Variants in STIP1 observed in about 807,000 individuals in gnomAD.
STIP1 encodes the protein stress-induced-phosphoprotein 1.
In STIP1, 16 loss-of-function variants were observed where a neutral mutation model predicts 77.4. The observed-to-expected ratio is 0.21, with a 90% CI of 0.14 to 0.31. STIP1 has a LOEUF of 0.31. STIP1 is among the 10% of genes least tolerant of loss of function. The probability of loss-of-function intolerance (pLI) is 1.00; values close to 1 mark genes in which losing one functional copy is unlikely to be tolerated. For missense variants in STIP1, 524 were observed against 684.8 expected (o/e 0.77, Z 2.62); for synonymous variants, 258 against 246.6 (o/e 1.05, Z -0.44).
upstream of STIP1, chr11:64,186,031 A>C (rs1325346133): frequency 1.9e-6 from 3 of 1,545,836 alleles, no homozygotes; most frequent in South Asian, 1.2e-5. Context: ...GGTTGAGGGA[A>C]TTACTCCCCG....
At position 64,203,485 on chromosome 11, in the gene STIP1, G is replaced by A. The variant is rs146632791; in HGVS notation, c.1422G>A (p.Ala474=). The A allele has an allele frequency of 7.4e-6, 12 of 1,613,934 alleles. No individual in the cohort carries two copies. Among genetic ancestry groups the A allele is most frequent in the South Asian group, 2.2e-5 (2 of 91,080 alleles). The change falls in exon 13 of 14, where the codon GCG becomes GCA. Residue 474 remains alanine, a synonymous_variant. Coordinates refer to ENST00000305218, the MANE Select transcript of STIP1 (RefSeq NM_006819.3). ...ACGGCTACCAGCGCTGTATGATGGC[G>A]CAGTACAACCGGCACGACAGCCCCG... ...AADGYQRCMM[A]QYNRHDSPED... is the part of the protein sequence containing the mutation.
intron 5 of STIP1, 168 bp downstream of exon 5, chr11:64,195,981 A>G (rs1337029859): frequency 1.1e-6 from 1 of 874,786 alleles, no homozygotes; most frequent in African/African-American, 1.7e-5. Flanking sequence ...GCCTCAAGCG[A>G]TGCTCCTGCT....
Position 64,197,866 on chromosome 11 carries a change from A to C in STIP1, c.915A>C (p.Arg305=). 6.2e-7 allele frequency: 1 copy of C among 1,612,096 alleles called. No homozygotes were observed. Among genetic ancestry groups the C allele is most frequent in the Non-Finnish European group, 8.5e-7 (1 of 1,179,812 alleles). ...DYRQIAKAYA[R]IGNSYFKEEK... is the part of the protein sequence containing the mutation. ...CTTTCTTTATCAGAGCATATGCTCG[A>C]ATTGGCAACTCCTACTTCAAAGAAG... The change falls in exon 8 of 14, where the codon CGA becomes CGC. Residue 305 remains arginine (R), a synonymous_variant. Coordinates refer to ENST00000305218, the MANE Select transcript of STIP1 (RefSeq NM_006819.3).
At chr11:64,185,623 G>T (rs1022450830), upstream of STIP1, 1 of 653,510 alleles carries the variant, frequency 1.5e-6, no homozygotes, top group Non-Finnish European at 2.5e-6. Context: ...CGCGGCACTC[G>T]GGAGCGAGAG....
chr11:64,195,045 C>A (rs1358412709), intron 4 of STIP1, among the ~76,000 whole-genome samples: 3 of 152,224 alleles, frequency 2.0e-5, no homozygotes, highest in Non-Finnish European at 4.4e-5. Flanking sequence ...TAAAACAACT[C>A]ATTCCTCTGT....
chr11:64,185,867 A>C, upstream of STIP1: 1 of 1,536,180 alleles, frequency 6.5e-7, no homozygotes, highest in South Asian at 1.2e-5. Context: ...AATTTCCAGA[A>C]CGATCAGAAC....
intron 3 of STIP1, 26 bp downstream of exon 3, chr11:64,194,356 C>A: frequency 9.3e-6 from 15 of 1,612,404 alleles, no homozygotes; most frequent in Non-Finnish European, 1.3e-5. Flanking sequence ...AGTTTTCTTT[C>A]TTATTATTAA....
At chr11:64,202,212 GT>G (rs1233665396) in intron 10 of STIP1, among the ~76,000 whole-genome samples, 4 of 151,840 alleles carry the variant, frequency 2.6e-5, no homozygotes, top group Non-Finnish European at 5.9e-5. Context: ...TAAAACTGAG[GT>G]TTTTTTATTT....
intron 9 of STIP1, 65 bp from the exon 10 acceptor site, chr11:64,200,104 A>G: frequency 6.2e-7 from 1 of 1,612,584 alleles, no homozygotes; most frequent in Non-Finnish European, 8.5e-7. Flanking sequence ...GCTGTGGGGT[A>G]AATGGCCGGC....
At chr11:64,185,868 C>G (rs776865204), upstream of STIP1, 5 of 1,536,036 alleles carry the variant, frequency 3.3e-6, no homozygotes, top group African/African-American at 6.8e-5. Flanking sequence ...ATTTCCAGAA[C>G]GATCAGAACC....
chr11:64,195,672 C>T lies in STIP1; in HGVS notation c.531C>T (p.Thr177=). Residue 177 remains threonine (T), a synonymous_variant, in exon 5 of 14, where the codon ACC becomes ACT. Coordinates refer to ENST00000305218, the MANE Select transcript of STIP1 (RefSeq NM_006819.3). ...AACTACAAGATCCCCGGATCATGAC[C>T]ACTCTCAGCGTCCTCCTTGGGGTCG... is the stretch of plus-strand genomic sequence containing the variant. ...GTKLQDPRIM[T]TLSVLLGVDL... 1 of 1,612,824 alleles carries T rather than the reference C, an allele frequency of 6.2e-7. No homozygotes were observed. The highest frequency in any genetic ancestry group is 8.5e-7 in the Non-Finnish European group (1 of 1,179,568).
intron 12 of STIP1, 71 bp downstream of exon 12, chr11:64,203,299 C>A: frequency 1.3e-6 from 2 of 1,591,596 alleles, no homozygotes; most frequent in South Asian, 1.1e-5. Flanking sequence ...ATGTTCAGTC[C>A]CTGATTTCTT....
chr11:64,191,318 AT>A (rs897008101), intron 1 of STIP1, among the ~76,000 whole-genome samples: 9 of 151,536 alleles, frequency 5.9e-5, no homozygotes, highest in South Asian at 4.2e-4. Context: ...TTAAAAAAAA[AT>A]AAATATGGCC....
intron 13 of STIP1, 121 bp from the exon 14 acceptor site, chr11:64,203,933 C>A: frequency 8.2e-7 from 1 of 1,225,246 alleles, no homozygotes; most frequent in Non-Finnish European, 1.2e-6. Flanking sequence ...GCGCCCCGGG[C>A]CTCGCCAGGA....
chr11:64,204,180 C>T lies in STIP1; in HGVS notation c.*54C>T, dbSNP rs145110088. 3.0e-4 allele frequency: 475 copies of T among 1,589,160 alleles called. 1 individual carries two copies. The African/African-American group carries it at 6.0e-3, about 20-fold the overall frequency. ...CCTCATGTGGAAAGAGGAGCTGGGA[C>T]CGCGGCGAGCAGCACGGAGCGGAAG... is the stretch of plus-strand genomic sequence containing the variant. On this transcript the variant is annotated 3_prime_UTR_variant, in exon 14 of 14. Coordinates refer to ENST00000305218, the MANE Select transcript of STIP1 (RefSeq NM_006819.3).
chr11:64,189,483 C>T (rs150228017), intron 1 of STIP1, among the ~76,000 whole-genome samples: 2,026 of 152,084 alleles, frequency 0.013, 29 homozygotes, highest in South Asian at 0.087. Flanking sequence ...GCCAAGATTG[C>T]GCCACTGCCC....
chr11:64,199,271 G>A (rs1464156086), intron 8 of STIP1, among the ~76,000 whole-genome samples: 9 of 151,278 alleles, frequency 5.9e-5, no homozygotes, highest in African/African-American at 1.2e-4. Context: ...TTGGGAGGCC[G>A]AGGTGGGCGG....
rs530929964 is a variant in STIP1 at position 64,194,751 on chromosome 11, T to G, written c.503+131T>G. The stretch of plus-strand genomic sequence containing the variant: ...CCTTTGCTTATTCTCTGCAGAGCAG[T>G]AGGTGGTGGTCGTTTATTTGTAATT... On this transcript the variant is annotated intron_variant, in intron 4 of 13. Coordinates refer to ENST00000305218, the MANE Select transcript of STIP1 (RefSeq NM_006819.3). The G allele has an allele frequency of 3.5e-5, 40 of 1,140,466 alleles. No homozygotes were observed. The East Asian group carries it at 9.3e-4, about 26-fold the overall frequency. The allele number at this position is 1,140,466 out of a possible 1,614,324, so 70.6% of individuals were successfully genotyped here. A position where few individuals can be genotyped will look rare whatever the true frequency, so the allele number is the denominator to read the frequency against.
upstream of STIP1, chr11:64,185,938 A>G: frequency 6.5e-7 from 1 of 1,536,744 alleles, no homozygotes; most frequent in Non-Finnish European, 8.7e-7. Flanking sequence ...GTGTCGCAGA[A>G]GTTCGCTCCT....
Sources: gnomAD v4.1 joint callset for allele counts (sites outside exome capture counted in the v4.1 genomes callset) on GRCh38, gnomAD v4.1.1 for gene constraint, MANE v1.5 for transcripts, NCBI Gene and HGNC (gene_info 2026-07-23, HGNC 2026-07-21) for gene names.